Variants in YIPF5 observed in about 807,000 individuals in gnomAD.
YIPF5 encodes protein YIPF5.
A neutral mutation model predicts 30.4 loss-of-function variants in YIPF5; 8 were observed. The ratio of observed to expected loss-of-function variants is 0.26; its 90% CI spans 0.15 to 0.47. The LOEUF is 0.47. Ranked by LOEUF, YIPF5 falls within the 20% of genes least tolerant of loss-of-function variation. The probability of loss-of-function intolerance (pLI) is 0.99; values close to 1 mark genes in which losing one functional copy is unlikely to be tolerated. For synonymous variants in YIPF5, 104 were observed against 107.9 expected (o/e 0.96, Z 0.23); for missense variants, 282 against 301.8 (o/e 0.93, Z 0.49).
rs11370080 is a variant in YIPF5, at chr5:144,158,914, TA to T, written c.*1482del. 90,985 of 699,352 alleles carry T rather than the reference TA, an allele frequency of 0.13. 241 individuals carry two copies. The highest frequency in any genetic ancestry group is 0.15 in the Non-Finnish European group (84,603 of 570,160). The allele number at this position is 699,352 out of a possible 1,614,324, so 43.3% of individuals were successfully genotyped here. A position where few individuals can be genotyped will look rare whatever the true frequency, so the allele number is the denominator to read the frequency against. On this transcript the variant is annotated 3_prime_UTR_variant, in exon 6 of 6. Transcript: ENST00000274496. ...TTTCTATTTAGTCTGAAAATCTCTT[TA>T]AAAAAAAAAAAAAGGCAGTATTTTC...
chr5:144,159,774 T>C lies in YIPF5; in HGVS notation c.*623A>G. The C allele has an allele frequency of 3.8e-6, 3 of 786,276 alleles. No individual in the cohort carries two copies. Among genetic ancestry groups the C allele is most frequent in the Non-Finnish European group, 4.6e-6 (3 of 655,980 alleles). The allele number at this position is 786,276 out of a possible 1,614,324, so 48.7% of individuals were successfully genotyped here. On this transcript the variant is annotated 3_prime_UTR_variant, in exon 6 of 6. Coordinates refer to ENST00000274496, the MANE Select transcript of YIPF5 (RefSeq NM_030799.9). Reference sequence around the variant, plus strand: ...GGCTGGATGGAGTGCAGTGGTGTGATCTCGGCTCACTGCAAGCTCCGCCTC... The same window carrying C: ...GGCTGGATGGAGTGCAGTGGTGTGACCTCGGCTCACTGCAAGCTCCGCCTC...
chr5:144,159,019 T>C lies in YIPF5; in HGVS notation c.*1378A>G, dbSNP rs1289856463. Reference sequence around the variant, plus strand: ...AGACAGTTTTTCTAGAAAAAGCCAATGATCAGTATACAAGATACAGTATTT... The same window carrying C: ...AGACAGTTTTTCTAGAAAAAGCCAACGATCAGTATACAAGATACAGTATTT... On this transcript the variant is annotated 3_prime_UTR_variant, in exon 6 of 6. Coordinates refer to ENST00000274496, the MANE Select transcript of YIPF5 (RefSeq NM_030799.9). The C allele has an allele frequency of 1.1e-5, 11 of 984,898 alleles. No homozygotes were observed. The highest frequency in any genetic ancestry group is 1.3e-5 in the Non-Finnish European group (11 of 829,556). The allele number at this position is 984,898 out of a possible 1,614,324, so 61.0% of individuals were successfully genotyped here.
At position 144,159,650 on chromosome 5, in the gene YIPF5, C is replaced by T. The variant is rs765398710; in HGVS notation, c.*747G>A. 1.4e-5 allele frequency: 14 copies of T among 984,042 alleles called. No individual in the cohort carries two copies. The highest frequency in any genetic ancestry group is 4.7e-5 in the South Asian group (1 of 21,244). 61.0% of individuals were successfully genotyped at this position (984,042 alleles called of 1,614,324 possible). On this transcript the variant is annotated 3_prime_UTR_variant, in exon 6 of 6. Transcript: ENST00000274496. The stretch of plus-strand genomic sequence containing the variant: ...AGTTACCTGACTTGAGAATACAAGG[C>T]AATTTTTCTTTCCTAAATCCTTGGA...
intron 2 of YIPF5, among the ~76,000 whole-genome samples, chr5:144,168,473 C>T (rs899949488): frequency 6.6e-6 from 1 of 152,098 alleles, no homozygotes; most frequent in Non-Finnish European, 1.5e-5. Context: ...TGGACTCTGG[C>T]TCTCCTATAC....
Position 144,169,847 on chromosome 5 carries a change from T to C in YIPF5, c.109A>G (p.Lys37Glu), listed in dbSNP as rs1752316879. 1 of 1,611,826 alleles carries C rather than the reference T, an allele frequency of 6.2e-7. No individual in the cohort carries two copies. Among genetic ancestry groups the C allele is most frequent in the Non-Finnish European group, 8.5e-7 (1 of 1,178,740 alleles). ...DYGGSGGPYS[K>E]QYAGYDYSQQ... Reference sequence around the variant, plus strand: ...TAATTGCCAAAGATGAAAAGTTACTTGCTATAGGGTCCTCCACTTCCTCCA... The same window carrying C: ...TAATTGCCAAAGATGAAAAGTTACTCGCTATAGGGTCCTCCACTTCCTCCA... The change falls in exon 2 of 6, where the codon AAA becomes GAA. Residue 37 changes from lysine (K) to glutamate (E), a missense_variant and splice_region_variant. Transcript: ENST00000274496.
At chr5:144,165,045 C>G (rs1321295700) in intron 3 of YIPF5, among the ~76,000 whole-genome samples, 2 of 152,066 alleles carry the variant, frequency 1.3e-5, no homozygotes, top group Non-Finnish European at 2.9e-5. Context: ...CTACCACTTC[C>G]TAGGTTTTGG....
At chr5:144,170,226 G>C (rs1752335027) in intron 1 of YIPF5, 3 of 446,006 alleles carry the variant, frequency 6.7e-6, no homozygotes, top group Non-Finnish European at 1.2e-5. Context: ...CGAGGTCGTG[G>C]GAGTTGTGGT....
intron 2 of YIPF5, among the ~76,000 whole-genome samples, chr5:144,166,620 A>C (rs1320750695): frequency 6.6e-6 from 1 of 152,200 alleles, no homozygotes; most frequent in African/African-American, 2.4e-5. Flanking sequence ...CCAAATGCTC[A>C]AGTCTGAATA....
chr5:144,168,732 C>G (rs976572269), intron 2 of YIPF5, among the ~76,000 whole-genome samples: 1 of 152,080 alleles, frequency 6.6e-6, no homozygotes, highest in Non-Finnish European at 1.5e-5. Context: ...CTCAAAGAGA[C>G]TATATGTTTT....
At chr5:144,170,091 G>A (rs988577842) in intron 1 of YIPF5, 126 bp from the exon 2 acceptor site, 2 of 703,340 alleles carry the variant, frequency 2.8e-6, no homozygotes, top group Admixed American at 2.3e-5. Flanking sequence ...GAGGGGATGG[G>A]GGCGGAAAGT....
chr5:144,161,333 CTTTTTTTTTTTTTTTT>C lies in YIPF5; in HGVS notation c.612-790_612-775del, dbSNP rs57703406. Among the ~76,000 whole-genome samples the C allele has an allele frequency of 1.9e-3, 120 of 64,696 alleles. 1 individual carries two copies. The highest frequency in any genetic ancestry group is 7.1e-3 in the African/African-American group (108 of 15,232). 42.4% of individuals were successfully genotyped at this position (64,696 alleles called of 152,430 possible). On this transcript the variant is annotated intron_variant, in intron 5 of 5. Coordinates refer to ENST00000274496, the MANE Select transcript of YIPF5 (RefSeq NM_030799.9). ...TGGCGGTAATGTATACCTTTCCTTCCTTTTTTTTTTTTTTTTTTTTTTTTTTTTGAGACAGTTTCGC... is the reference window on the plus strand; with the variant it reads ...TGGCGGTAATGTATACCTTTCCTTCCTTTTTTTTTTTTGAGACAGTTTCGC...
intron 1 of YIPF5, chr5:144,170,247 G>A (rs1752336141): frequency 2.6e-6 from 1 of 385,608 alleles, no homozygotes; most frequent in South Asian, 2.8e-5. Context: ...TCCATAAGCG[G>A]TCTAAAATAT....
intron 4 of YIPF5, chr5:144,163,866 T>C: frequency 6.0e-6 from 2 of 331,016 alleles, no homozygotes; most frequent in Non-Finnish European, 1.1e-5. Context: ...TTTACTATTT[T>C]TTTTTTGTTT....
intron 5 of YIPF5, among the ~76,000 whole-genome samples, chr5:144,161,834 G>A (rs1752056465): frequency 6.6e-6 from 1 of 152,068 alleles, no homozygotes; most frequent in Non-Finnish European, 1.5e-5. Flanking sequence ...CGTACATTTG[G>A]CATATGTCCA....
At chr5:144,164,038 G>A in intron 4 of YIPF5, 73 bp downstream of exon 4, 1 of 1,572,340 alleles carries the variant, frequency 6.4e-7, no homozygotes, top group Non-Finnish European at 8.6e-7. Context: ...TTTCAAAATG[G>A]CTTTTGGTAG....
At chr5:144,161,444 A>G (rs1485502852) in intron 5 of YIPF5, among the ~76,000 whole-genome samples, 2 of 147,946 alleles carry the variant, frequency 1.4e-5, no homozygotes, top group East Asian at 2.0e-4. Context: ...TCCCGGGTTC[A>G]AGTGATTCTC....
chr5:144,165,993 A>G (rs1372943269), intron 2 of YIPF5, among the ~76,000 whole-genome samples: 1 of 152,132 alleles, frequency 6.6e-6, no homozygotes, highest in Non-Finnish European at 1.5e-5. Context: ...ACTGAATGAA[A>G]CCTTAGGATG....
chr5:144,164,281 T>A (rs765451650), intron 3 of YIPF5, 25 bp from the exon 4 acceptor site: 46 of 1,585,614 alleles, frequency 2.9e-5, no homozygotes, highest in Non-Finnish European at 3.3e-5. Flanking sequence ...AATTTAAAAG[T>A]TAATTAGGAT....
chr5:144,158,613 T>G lies in YIPF5; in HGVS notation c.*1784A>C. 5.6e-6 allele frequency: 6 copies of G among 1,063,928 alleles called. No homozygotes were observed. Among genetic ancestry groups the G allele is most frequent in the Non-Finnish European group, 6.8e-6 (6 of 878,654 alleles). The allele number at this position is 1,063,928 out of a possible 1,614,324, so 65.9% of individuals were successfully genotyped here. A position where few individuals can be genotyped will look rare whatever the true frequency, so the allele number is the denominator to read the frequency against. ...CAAAAACTATACTGAAAAAGACAAATGAATTGAAAAAGACAAAAATACTAT... is the reference window on the plus strand; with the variant it reads ...CAAAAACTATACTGAAAAAGACAAAGGAATTGAAAAAGACAAAAATACTAT... On this transcript the variant is annotated 3_prime_UTR_variant, in exon 6 of 6. Transcript: ENST00000274496.
Sources: gnomAD v4.1 joint callset for allele counts (sites outside exome capture counted in the v4.1 genomes callset) on GRCh38, gnomAD v4.1.1 for gene constraint, MANE v1.5 for transcripts, NCBI Gene and HGNC (gene_info 2026-07-23, HGNC 2026-07-21) for gene names.